TEFM: variants seen among roughly 807,000 people sequenced by gnomAD.
The protein encoded by TEFM is transcription elongation factor, mitochondrial.
Under a neutral mutation model 23.0 loss-of-function variants are expected in TEFM, and 14 were observed. The observed-to-expected ratio is 0.61, with a 90% confidence interval of 0.40 to 0.95. The LOEUF (loss-of-function observed/expected upper bound fraction) is 0.95. TEFM is among the 40% of genes least tolerant of loss of function. The probability of loss-of-function intolerance (pLI) is 0.00; values close to 1 mark genes in which losing one functional copy is unlikely to be tolerated. For synonymous variants in TEFM, 155 were observed against 158.3 expected (o/e 0.98, Z 0.16); for missense variants, 386 against 425.5 (o/e 0.91, Z 0.82).
chr17:30,903,229 G>GT (rs567911720), intron 2 of TEFM, among the ~76,000 whole-genome samples: 1,856 of 126,480 alleles, frequency 0.015, 33 homozygotes, highest in South Asian at 0.073. Context: ...TTAGAATGGT[G>GT]TTTTTTTTTT....
At chr17:30,902,235 T>G (rs1178535839) in intron 2 of TEFM, among the ~76,000 whole-genome samples, 1 of 152,138 alleles carries the variant, frequency 6.6e-6, no homozygotes, top group Non-Finnish European at 1.5e-5. Context: ...ACAGGAACAA[T>G]TAGTTGTATA....
rs757128985 is a variant in TEFM, at chr17:30,899,622, CAAAAT to C, written c.646-21_646-17del. ...TCGAGGAAATCTTTTTAAAAAAAGA[CAAAAT>C]AAAGGAACAGAAATAATTCATTACA... On this transcript the variant is annotated splice_polypyrimidine_tract_variant and intron_variant, in intron 3 of 3. Transcript: ENST00000581216. 4.0e-5 allele frequency: 59 copies of C among 1,479,278 alleles called. No homozygotes were observed. The Admixed American group carries it at 8.1e-4, about 20-fold the overall frequency. 91.6% of individuals were successfully genotyped at this position (1,479,278 alleles called of 1,614,324 possible). A position where few individuals can be genotyped will look rare whatever the true frequency, so the allele number is the denominator to read the frequency against.
At chr17:30,900,978 CTTAT>C (rs989883848) in intron 2 of TEFM, among the ~76,000 whole-genome samples, 1 of 151,846 alleles carries the variant, frequency 6.6e-6, no homozygotes, top group Admixed American at 6.6e-5. Context: ...GTAATATAAA[CTTAT>C]TTATAGTTTA....
chr17:30,899,388 C>G lies in TEFM; in HGVS notation c.864G>C (p.Met288Ile). 1 of 1,614,160 alleles carries G rather than the reference C, an allele frequency of 6.2e-7. No individual in the cohort carries two copies. Among genetic ancestry groups the G allele is most frequent in the Non-Finnish European group, 8.5e-7 (1 of 1,179,982 alleles). Residue 288 changes from methionine to isoleucine, a missense_variant, in exon 4 of 4, where the codon ATG becomes ATC. Met to Ile is a conservative substitution (Grantham distance 10, BLOSUM62 1). Transcript: ENST00000581216. ...TTCCACTAGTCCGGGAGTCACCAAT[C>G]ATCAGTTCAAAATGCTTCCCCACTG... ...RNAVGKHFELMIGDSRTSGKE... is the reference protein window; with the variant it reads ...RNAVGKHFELIIGDSRTSGKE...
rs371918239 is a variant in TEFM at position 30,904,076 on chromosome 17, T to C, written c.485A>G (p.Glu162Gly). The C allele has an allele frequency of 3.1e-6, 5 of 1,612,750 alleles. No homozygotes were observed. In the South Asian group the frequency reaches 4.4e-5, roughly 14 times the overall value. The change falls in exon 2 of 4, where the codon GAA (glutamate) becomes GGA (glycine). Residue 162 changes from glutamate to glycine, a missense_variant. Coordinates refer to ENST00000581216, the MANE Select transcript of TEFM (RefSeq NM_024683.4). ...RKLLKPDIER[E>G]RLKAVNSIIS... The stretch of plus-strand genomic sequence containing the variant: ...ACATGAAGAATATACCTTAAGTCTT[T>C]CTCTTTCTATGTCTGGTTTGAGGAG...
chr17:30,905,566 T>C (rs1024617658), intron 1 of TEFM, among the ~76,000 whole-genome samples: 2 of 152,136 alleles, frequency 1.3e-5, no homozygotes, highest in Admixed American at 1.3e-4. Flanking sequence ...ATTTTCACAT[T>C]TTAGTATCTC....
intron 2 of TEFM, among the ~76,000 whole-genome samples, chr17:30,903,472 G>A (rs1910091961): frequency 1.4e-5 from 2 of 147,956 alleles, no homozygotes; most frequent in African/African-American, 5.0e-5. Context: ...TGATCCGCCC[G>A]CTTTGGCCTC....
At position 30,899,690 on chromosome 17, in the gene TEFM, A is replaced by T. The variant is rs951576902; in HGVS notation, c.646-84T>A. ...TCCCCTCTCTGTCCCACTTCTATTT[A>T]AAAATATTATAATTAGTTAATTTAT... On this transcript the variant is annotated intron_variant, in intron 3 of 3. Transcript: ENST00000581216. 5 of 912,254 alleles carry T rather than the reference A, an allele frequency of 5.5e-6. No homozygotes were observed. The African/African-American group carries it at 8.5e-5, about 16-fold the overall frequency. 56.5% of individuals were successfully genotyped at this position (912,254 alleles called of 1,614,324 possible).
At chr17:30,905,536 A>AAAAAG (rs1910151199) in intron 1 of TEFM, among the ~76,000 whole-genome samples, 1 of 151,586 alleles carries the variant, frequency 6.6e-6, no homozygotes. Context: ...AAAAAAAAAA[A>AAAAAG]GGGTTTTGTC....
intron 2 of TEFM, among the ~76,000 whole-genome samples, chr17:30,901,919 G>A (rs1305195639): frequency 6.6e-6 from 1 of 152,164 alleles, no homozygotes; most frequent in Non-Finnish European, 1.5e-5. Context: ...GAGGAGTCTA[G>A]AATAATTCCA....
intron 1 of TEFM, among the ~76,000 whole-genome samples, chr17:30,905,323 C>A (rs1451971701): frequency 6.6e-6 from 1 of 152,058 alleles, no homozygotes; most frequent in East Asian, 1.9e-4. Flanking sequence ...GAGTTCGAGA[C>A]CAGCCTGACC....
In TEFM at chr17:30,904,071, G is replaced by C. The variant is rs773816924; in HGVS notation, c.490C>G (p.Leu164Val). The stretch of plus-strand genomic sequence containing the variant: ...AGCAGACATGAAGAATATACCTTAA[G>C]TCTTTCTCTTTCTATGTCTGGTTTG... Reference protein sequence around the residue: ...LLKPDIERERLKAVNSIISIV... With the variant: ...LLKPDIERERVKAVNSIISIV... Residue 164 changes from leucine (L) to valine (V), a missense_variant, in exon 2 of 4, where the codon CTT (leucine) becomes GTT (valine). Leu to Val is a conservative substitution (Grantham distance 32). Coordinates refer to ENST00000581216, the MANE Select transcript of TEFM (RefSeq NM_024683.4). 2 of 1,612,140 alleles carry C rather than the reference G, an allele frequency of 1.2e-6. No homozygotes were observed. Among genetic ancestry groups the C allele is most frequent in the Admixed American group, 1.7e-5 (1 of 59,796 alleles).
intron 1 of TEFM, among the ~76,000 whole-genome samples, 200 bp from the exon 2 acceptor site, chr17:30,904,729 G>T (rs965865153): frequency 1.3e-5 from 2 of 151,206 alleles, no homozygotes; most frequent in African/African-American, 4.9e-5. Flanking sequence ...GCCCAGGCTG[G>T]AGTGCAGTGG....
chr17:30,900,664 C>T (rs753900710), intron 2 of TEFM, 102 bp from the exon 3 acceptor site: 243 of 1,004,790 alleles, frequency 2.4e-4, no homozygotes, highest in Non-Finnish European at 3.1e-4. Context: ...TGCAGTGGCG[C>T]GATCTCAACT....
Position 30,906,173 on chromosome 17 carries a change from G to C in TEFM, c.26C>G (p.Ala9Gly). The part of the protein sequence containing the change: MSGSVLFT[A>G]GERWRCFLTP... ...CAGTGTTCCAAGCACCCTACCTCCC[G>C]CCGTGAAGAGGACAGACCCGCTCAT... The change falls in exon 1 of 4, where the codon GCG becomes GGG. Residue 9 changes from alanine (A) to glycine (G), a missense_variant. Transcript: ENST00000581216. 1 of 1,614,094 alleles carries C rather than the reference G, an allele frequency of 6.2e-7. No homozygotes were observed. Among genetic ancestry groups the C allele is most frequent in the Non-Finnish European group, 8.5e-7 (1 of 1,180,020 alleles).
intron 1 of TEFM, among the ~76,000 whole-genome samples, 156 bp downstream of exon 1, chr17:30,906,012 A>C (rs903806359): frequency 2.6e-5 from 4 of 152,174 alleles, no homozygotes; most frequent in African/African-American, 9.7e-5. Flanking sequence ...GAATACCTCC[A>C]GCCGTATTCC....
At chr17:30,901,266 C>T (rs140786829) in intron 2 of TEFM, among the ~76,000 whole-genome samples, 127 of 152,248 alleles carry the variant, frequency 8.3e-4, no homozygotes, top group African/African-American at 2.9e-3. Flanking sequence ...AGTGATCCAC[C>T]TGCCTCTGCC....
At chr17:30,901,642 A>T (rs1910048897) in intron 2 of TEFM, among the ~76,000 whole-genome samples, 1 of 152,226 alleles carries the variant, frequency 6.6e-6, no homozygotes. Flanking sequence ...GGAAAAGGGC[A>T]GAGGACAAGG....
chr17:30,900,289 A>T, intron 3 of TEFM, 124 bp downstream of exon 3: 1 of 932,008 alleles, frequency 1.1e-6, no homozygotes, highest in East Asian at 2.5e-5. Context: ...AATAGGAATA[A>T]GTGAGTAACA....
Sources: gnomAD v4.1 joint callset for allele counts (sites outside exome capture counted in the v4.1 genomes callset) on GRCh38, gnomAD v4.1.1 for gene constraint, MANE v1.5 for transcripts, NCBI Gene and HGNC (gene_info 2026-07-23, HGNC 2026-07-21) for gene names.